The following CTNND2 variants were observed in gnomAD, a reference collection of about 807,000 sequenced individuals.
The protein encoded by CTNND2 is catenin delta-2.
A neutral mutation model predicts 144.4 loss-of-function variants in CTNND2; 22 were observed. The observed-to-expected ratio is 0.15, with a 90% confidence interval of 0.11 to 0.22. CTNND2 has a LOEUF of 0.22. Ranked by LOEUF, CTNND2 falls within the 10% of genes least tolerant of loss-of-function variation. The probability of loss-of-function intolerance (pLI) is 1.00; values close to 1 mark genes in which losing one functional copy is unlikely to be tolerated. For missense variants in CTNND2, 1,353 were observed against 1,618.8 expected (o/e 0.84, Z 2.82); for synonymous variants, 751 against 695.6 (o/e 1.08, Z -1.25).
At chr5:11,528,371 C>G (rs1773447990) in intron 3 of CTNND2, among the ~76,000 whole-genome samples, 1 of 151,786 alleles carries the variant, frequency 6.6e-6, no homozygotes, top group Non-Finnish European at 1.5e-5. Context: ...AAGTAAAACA[C>G]AGCAACCCAT....
At chr5:11,030,388 G>T (rs891509800) in intron 16 of CTNND2, among the ~76,000 whole-genome samples, 23 of 151,796 alleles carry the variant, frequency 1.5e-4, no homozygotes, top group Admixed American at 1.4e-3. Flanking sequence ...TGATCTTCTT[G>T]ATGATGTCCA....
intron 2 of CTNND2, among the ~76,000 whole-genome samples, chr5:11,644,635 C>T (rs1364392392): frequency 6.7e-6 from 1 of 148,762 alleles, no homozygotes; most frequent in East Asian, 2.0e-4. Flanking sequence ...GATCACGCCA[C>T]TGCACTCTGG....
At position 11,384,572 on chromosome 5, in the gene CTNND2, C is replaced by T. The variant is rs1333591950; in HGVS notation, c.1177+93G>A. On this transcript the variant is annotated intron_variant, in intron 7 of 21. Coordinates refer to ENST00000304623, the MANE Select transcript of CTNND2 (RefSeq NM_001332.4). The surrounding 1 kb of genome is among the most constrained non-coding windows in gnomAD (Gnocchi z 5.2). Reference sequence around the variant, plus strand: ...AACTACTACAACCTGGCAGACAGCGCGCCCGGCTTCGCTTCTGCTCAAGCC... The same window carrying T: ...AACTACTACAACCTGGCAGACAGCGTGCCCGGCTTCGCTTCTGCTCAAGCC... 3.3e-6 allele frequency: 4 copies of T among 1,211,424 alleles called. No homozygotes were observed. Among genetic ancestry groups the T allele is most frequent in the East Asian group, 5.1e-5 (2 of 39,022 alleles). The allele number at this position is 1,211,424 out of a possible 1,614,324, so 75.0% of individuals were successfully genotyped here.
At chr5:11,118,728 T>A (rs11133646) in intron 12 of CTNND2, among the ~76,000 whole-genome samples, 18,298 of 152,188 alleles carry the variant, frequency 0.12, 1,791 homozygotes, top group East Asian at 0.45. Flanking sequence ...AGAAGTTGAA[T>A]GAAATGAATC....
At chr5:11,647,081 C>T (rs528644100) in intron 2 of CTNND2, among the ~76,000 whole-genome samples, 3 of 152,298 alleles carry the variant, frequency 2.0e-5, no homozygotes, top group East Asian at 1.9e-4. Flanking sequence ...GCAGAGTACT[C>T]GGTCACCACT....
chr5:11,310,823 G>T (rs1238736), intron 9 of CTNND2, among the ~76,000 whole-genome samples: 1 of 130,204 alleles, frequency 7.7e-6, no homozygotes, highest in African/African-American at 2.8e-5. Context: ...TGCACTCACA[G>T]TCCCATGTGC....
chr5:11,878,693 A>G (rs2127066647), intron 1 of CTNND2, among the ~76,000 whole-genome samples: 1 of 152,306 alleles, frequency 6.6e-6, no homozygotes, highest in Admixed American at 6.5e-5. Flanking sequence ...ATTTGCTAAG[A>G]GTCCTTGCTG....
intron 5 of CTNND2, among the ~76,000 whole-genome samples, chr5:11,406,298 G>A (rs1426941027): frequency 1.3e-5 from 2 of 152,174 alleles, no homozygotes; most frequent in Non-Finnish European, 2.9e-5. Context: ...GCACATCTGG[G>A]ATAAGGAAGG....
At chr5:11,258,211 G>A (rs1226846213) in intron 9 of CTNND2, among the ~76,000 whole-genome samples, 1 of 152,144 alleles carries the variant, frequency 6.6e-6, no homozygotes, top group Non-Finnish European at 1.5e-5. Context: ...ACCAACATAT[G>A]CTGCATCTTC....
At chr5:11,760,342 G>T (rs973716633) in intron 1 of CTNND2, among the ~76,000 whole-genome samples, 1 of 152,026 alleles carries the variant, frequency 6.6e-6, no homozygotes, top group African/African-American at 2.4e-5. Context: ...GGACCCTTCT[G>T]CCTCCTCTGG....
chr5:11,457,783 A>T (rs1765861588), intron 3 of CTNND2, among the ~76,000 whole-genome samples: 1 of 152,234 alleles, frequency 6.6e-6, no homozygotes, highest in African/African-American at 2.4e-5. Flanking sequence ...ATCCAACAAC[A>T]TGGCCCATCA....
At chr5:11,246,429 C>T (rs1273805800) in intron 9 of CTNND2, among the ~76,000 whole-genome samples, 3 of 151,936 alleles carry the variant, frequency 2.0e-5, no homozygotes, top group Non-Finnish European at 2.9e-5. Context: ...CAGAGAGAGG[C>T]AATGTGAAGA....
chr5:11,748,773 T>C (rs1245720973), intron 1 of CTNND2, among the ~76,000 whole-genome samples: 2 of 151,994 alleles, frequency 1.3e-5, no homozygotes, highest in Admixed American at 6.6e-5. Context: ...AGTTTGGGAG[T>C]ATGTGATAAT....
At chr5:11,882,033 T>C (rs565127983) in intron 1 of CTNND2, among the ~76,000 whole-genome samples, 46 of 152,204 alleles carry the variant, frequency 3.0e-4, no homozygotes, top group African/African-American at 1.1e-3. Flanking sequence ...TCTATGTCTT[T>C]TTGATTATTT....
chr5:11,358,943 A>G lies in CTNND2; in HGVS notation c.1372+5753T>C, dbSNP rs1402452404. Among the ~76,000 whole-genome samples, 3 of 152,196 alleles carry G rather than the reference A, an allele frequency of 2.0e-5. 1 individual carries two copies. Among genetic ancestry groups the G allele is most frequent in the African/African-American group, 7.2e-5 (3 of 41,456 alleles). The stretch of plus-strand genomic sequence containing the variant: ...TCAACACTCAGTTTGAATAGCATTT[A>G]TCCAAAAGAAAATCCATCTGACTAT... On this transcript the variant is annotated intron_variant, in intron 8 of 21. Coordinates refer to ENST00000304623, the MANE Select transcript of CTNND2 (RefSeq NM_001332.4).
chr5:11,698,297 T>A (rs1250418901), intron 2 of CTNND2, among the ~76,000 whole-genome samples: 141 of 149,612 alleles, frequency 9.4e-4, no homozygotes, highest in African/African-American at 1.6e-3. Flanking sequence ...TATTTTTTTT[T>A]TTTTTTTTTG....
intron 2 of CTNND2, among the ~76,000 whole-genome samples, chr5:11,579,794 A>G (rs1778276386): frequency 6.6e-6 from 1 of 152,170 alleles, no homozygotes; most frequent in Non-Finnish European, 1.5e-5. Context: ...GTGTCCCCTG[A>G]AACTAGGGAC....
chr5:11,394,481 G>A (rs1049458151), intron 6 of CTNND2, among the ~76,000 whole-genome samples: 7 of 152,300 alleles, frequency 4.6e-5, no homozygotes, highest in Admixed American at 2.6e-4. Context: ...TGAGCAGAGT[G>A]CTGGCAGTGG....
In CTNND2 at chr5:11,218,192, T is replaced by C. The variant is rs146594673; in HGVS notation, c.1761+18499A>G. ...ATCCAAGGAGTTGTACCAAGTGTTA[T>C]ATTTCTTACTCATTTCAGGGTAGCA... On this transcript the variant is annotated intron_variant, in intron 10 of 21. Coordinates refer to ENST00000304623, the MANE Select transcript of CTNND2 (RefSeq NM_001332.4). Among the ~76,000 whole-genome samples, 450 of 152,296 alleles carry C rather than the reference T, an allele frequency of 3.0e-3. 2 individuals carry two copies. Among genetic ancestry groups the C allele is most frequent in the African/African-American group, 6.6e-3 (274 of 41,558 alleles).
Sources: allele counts gnomAD v4.1 joint callset (sites outside exome capture counted in the v4.1 genomes callset), GRCh38; gene constraint gnomAD v4.1.1; non-coding constraint Gnocchi (gnomAD v3.1); transcripts MANE v1.5; gene names NCBI Gene and HGNC (gene_info 2026-07-23, HGNC 2026-07-21).